The following ABL1 variants were observed in gnomAD, a reference collection of about 807,000 sequenced individuals.
The protein encoded by ABL1 is tyrosine-protein kinase ABL1.
ABL1 carries 11 observed loss-of-function variants against 94.7 expected under a neutral mutation model. That is an observed-to-expected ratio of 0.12 (90% CI 0.07 to 0.19). The LOEUF (loss-of-function observed/expected upper bound fraction) is 0.19, where lower values mean the gene tolerates loss of function less well. Ranked by LOEUF, ABL1 falls within the 10% of genes least tolerant of loss-of-function variation. The probability of loss-of-function intolerance (pLI) is 1.00; values close to 1 mark genes in which losing one functional copy is unlikely to be tolerated. For synonymous variants in ABL1, 656 were observed against 622.4 expected (o/e 1.05, Z -0.80); for missense variants, 1,082 against 1,489.4 (o/e 0.73, Z 4.50).
intron 1 of ABL1, among the ~76,000 whole-genome samples, chr9:130,721,701 C>A: frequency 6.6e-6 from 1 of 152,060 alleles, no homozygotes. Context: ...CAGAGTGAGA[C>A]CCTGTCTCAA....
chr9:130,880,361 C>G lies in ABL1; in HGVS notation c.1514-139C>G. The G allele has an allele frequency of 9.6e-6, 11 of 1,141,970 alleles. No individual in the cohort carries two copies. Among genetic ancestry groups the G allele is most frequent in the South Asian group, 3.0e-5 (2 of 65,584 alleles). The allele number at this position is 1,141,970 out of a possible 1,614,324, so 70.7% of individuals were successfully genotyped here. A position where few individuals can be genotyped will look rare whatever the true frequency, so the allele number is the denominator to read the frequency against. ...TTCTAAGAAATGCTAAGGGCTGTTT[C>G]TCCGGTATCCACGTGCCTTTTCTTT... On this transcript the variant is annotated intron_variant, in intron 9 of 10. Transcript: ENST00000318560. This position sits in a 1 kb window ranked among gnomAD's most constrained non-coding sequence, Gnocchi z 4.4.
intron 6 of ABL1, among the ~76,000 whole-genome samples, chr9:130,874,127 T>C (rs565071927): frequency 5.3e-5 from 8 of 152,330 alleles, no homozygotes; most frequent in African/African-American, 1.9e-4. Flanking sequence ...GATCAGGCTA[T>C]CTCACGCAGC....
intron 1 of ABL1, among the ~76,000 whole-genome samples, chr9:130,722,941 G>C (rs1466634495): frequency 6.6e-6 from 1 of 152,200 alleles, no homozygotes; most frequent in Non-Finnish European, 1.5e-5. Flanking sequence ...TTGTGCTTCA[G>C]ATCTCCAAGT....
At position 130,838,121 on chromosome 9, in the gene ABL1, G is replaced by A. The variant is rs1157643560; in HGVS notation, c.79+2596G>A. 2.6e-5 allele frequency among the ~76,000 whole-genome samples: 4 copies of A among 152,178 alleles called. No homozygotes were observed. In the South Asian group the frequency reaches 8.3e-4, roughly 32 times the overall value. ...TAGTTATATTTCATGATAGCACTAT[G>A]ATTATTTCCATTTTATAGATGAGGA... On this transcript the variant is annotated intron_variant, in intron 1 of 10. Transcript: ENST00000318560.
chr9:130,739,310 C>T (rs548414911), intron 1 of ABL1, among the ~76,000 whole-genome samples: 22 of 151,838 alleles, frequency 1.4e-4, no homozygotes, highest in African/African-American at 5.1e-4. Flanking sequence ...GTAGCATCCT[C>T]AGCACTGTCT....
At chr9:130,754,699 T>G (rs1172867464) in intron 1 of ABL1, among the ~76,000 whole-genome samples, 1 of 151,966 alleles carries the variant, frequency 6.6e-6, no homozygotes, top group Non-Finnish European at 1.5e-5. Flanking sequence ...AGCCAGTGAT[T>G]ATTGGTCATT....
chr9:130,884,034 G>A lies in ABL1; in HGVS notation c.1744G>A (p.Gly582Ser). The change falls in exon 11 of 11, where the codon GGC (glycine) becomes AGC (serine). Residue 582 changes from glycine (G) to serine (S), a missense_variant. Transcript: ENST00000318560. The surrounding 1 kb of genome is among the most constrained non-coding windows in gnomAD (Gnocchi z 5.6). Reference protein sequence around the residue: ...LPRKERGPPEGGLNEDERLLP... With the variant: ...LPRKERGPPESGLNEDERLLP... ...TCGAAAAGAGCGAGGTCCCCCGGAG[G>A]GCGGCCTGAATGAAGATGAGCGCCT... The A allele has an allele frequency of 6.2e-7, 1 of 1,613,904 alleles. No homozygotes were observed. Among genetic ancestry groups the A allele is most frequent in the South Asian group, 1.1e-5 (1 of 91,080 alleles).
chr9:130,733,038 A>G (rs1831686872), intron 1 of ABL1, among the ~76,000 whole-genome samples: 1 of 152,174 alleles, frequency 6.6e-6, no homozygotes, highest in Non-Finnish European at 1.5e-5. Flanking sequence ...TTTAATAGAG[A>G]TATTTGTATG....
intron 1 of ABL1, among the ~76,000 whole-genome samples, chr9:130,839,428 T>C (rs1830636000): frequency 6.6e-6 from 1 of 152,226 alleles, no homozygotes; most frequent in Admixed American, 6.5e-5. Context: ...AGTGAGACTC[T>C]TTCTGTTACC....
intron 1 of ABL1, among the ~76,000 whole-genome samples, chr9:130,790,729 G>A (rs4065994): frequency 4.6e-5 from 7 of 151,346 alleles, no homozygotes; most frequent in Middle Eastern, 3.2e-3. Flanking sequence ...CTGCCTCAGC[G>A]TCCCAAAGTG....
chr9:130,742,696 G>A (rs1286698094), intron 1 of ABL1, among the ~76,000 whole-genome samples: 1 of 152,160 alleles, frequency 6.6e-6, no homozygotes, highest in South Asian at 2.1e-4. Flanking sequence ...CCATTATATA[G>A]AGTAACAGTC....
intron 1 of ABL1, among the ~76,000 whole-genome samples, chr9:130,725,772 T>C (rs1831573358): frequency 6.7e-6 from 1 of 150,222 alleles, no homozygotes; most frequent in African/African-American, 2.4e-5. Flanking sequence ...TGTGTGTATA[T>C]ATATATACAC....
At chr9:130,860,491 G>A (rs1831053923) in intron 3 of ABL1, among the ~76,000 whole-genome samples, 1 of 152,218 alleles carries the variant, frequency 6.6e-6, no homozygotes. Context: ...ACTTAGGGGA[G>A]CCCTTAGCAT....
At chr9:130,751,573 C>T (rs1831967695) in intron 1 of ABL1, among the ~76,000 whole-genome samples, 1 of 152,158 alleles carries the variant, frequency 6.6e-6, no homozygotes, top group Non-Finnish European at 1.5e-5. Context: ...CCTCATAGAC[C>T]TGGGCCACTG....
exon 1 of ABL1, among the ~76,000 whole-genome samples, chr9:130,713,217 T>C (rs1049109262): frequency 6.6e-6 from 1 of 150,986 alleles, no homozygotes; most frequent in Non-Finnish European, 1.5e-5. Context: ...AGGGCGGTGG[T>C]GGTGTCAGCG....
intron 1 of ABL1, among the ~76,000 whole-genome samples, chr9:130,735,924 C>A (rs1272998590): frequency 1.0e-5 from 1 of 98,108 alleles, no homozygotes. Context: ...TGTGTGTATG[C>A]ATGTGTGTGC....
At position 130,881,898 on chromosome 9, in the gene ABL1, CAG is replaced by C. The variant is rs554292191; in HGVS notation, c.1678+1236_1678+1237del. Among the ~76,000 whole-genome samples, 262 of 150,372 alleles carry C rather than the reference CAG, an allele frequency of 1.7e-3. 1 individual carries two copies. The highest frequency in any genetic ancestry group is 6.2e-3 in the African/African-American group (252 of 40,686). ...TTAGTAAAAAAAAAACAAAAAAAAA[CAG>C]AACATGCAGCCCATATATATGGTAT... On this transcript the variant is annotated intron_variant, in intron 10 of 10. Coordinates refer to ENST00000318560, the MANE Select transcript of ABL1 (RefSeq NM_005157.6).
In ABL1 at chr9:130,814,605, C is replaced by T. The variant is rs1264831871; in HGVS notation, c.137-39459C>T. Among the ~76,000 whole-genome samples, 1 of 152,164 alleles carries T rather than the reference C, an allele frequency of 6.6e-6. No homozygotes were observed. Among genetic ancestry groups the T allele is most frequent in the Non-Finnish European group, 1.5e-5 (1 of 68,022 alleles). ...TCAAGAAGTAACCATCTGCCGGGCG[C>T]AGTGGCTTACGCCTGTAATCCCAGC... On this transcript the variant is annotated intron_variant, in intron 1 of 10. Coordinates refer to the ABL1 transcript ENST00000372348. This position sits in a 1 kb window ranked among gnomAD's most constrained non-coding sequence, Gnocchi z 4.4.
At chr9:130,740,819 ATTTTTTTTTT>A (rs34323373) in intron 1 of ABL1, among the ~76,000 whole-genome samples, 3 of 97,812 alleles carry the variant, frequency 3.1e-5, no homozygotes, top group African/African-American at 1.2e-4. Context: ...CCACACCCAG[ATTTTTTTTTT>A]TTTTTTTTTT....
Sources: gnomAD v4.1 joint callset for allele counts (sites outside exome capture counted in the v4.1 genomes callset) on GRCh38, gnomAD v4.1.1 for gene constraint, Gnocchi (gnomAD v3.1) non-coding constraint, MANE v1.5 for transcripts, NCBI Gene and HGNC (gene_info 2026-07-23, HGNC 2026-07-21) for gene names.